Variants in TCF4 observed in about 807,000 individuals in gnomAD.
TCF4 encodes SL3-3 enhancer factor 2.
In TCF4, 3 loss-of-function variants were observed where a neutral mutation model predicts 82.1. The ratio of observed to expected loss-of-function variants is 0.04; its 90% confidence interval spans 0.02 to 0.09. The LOEUF is 0.09. Among genes scored for constraint, TCF4 ranks in the 10% least tolerant of loss-of-function variants. TCF4 has a pLI of 1.00. For missense variants in TCF4, 518 were observed against 852.7 expected (o/e 0.61, Z 4.89); for synonymous variants, 276 against 309.6 (o/e 0.89, Z 1.14).
chr18:55,423,174 A>T (rs913460605), intron 5 of TCF4, among the ~76,000 whole-genome samples: 1 of 41,040 alleles, frequency 2.4e-5, no homozygotes, highest in African/African-American at 4.3e-4. Flanking sequence ...AGTTCTTAAT[A>T]AAAAAAAATC....
At chr18:55,322,478 G>C (rs2075857942) in intron 8 of TCF4, 1 of 1,003,228 alleles carries the variant, frequency 1.0e-6, no homozygotes, top group Non-Finnish European at 1.2e-6. Context: ...CGCTCAAAAG[G>C]AGAGAGGGGG....
intron 2 of TCF4, chr18:55,585,750 T>C (rs1888457282): frequency 5.5e-6 from 6 of 1,099,988 alleles, no homozygotes; most frequent in Non-Finnish European, 6.7e-6. Flanking sequence ...GCAATGTCCA[T>C]TTCCATCTCG....
intron 3 of TCF4, among the ~76,000 whole-genome samples, chr18:55,530,574 C>G (rs2097051199): frequency 1.7e-5 from 2 of 121,108 alleles, no homozygotes; most frequent in African/African-American, 3.2e-5. Context: ...GGGGGGGAAA[C>G]AGCTAAGGGG....
chr18:55,548,381 C>G (rs1366051880), intron 3 of TCF4, among the ~76,000 whole-genome samples: 1 of 152,150 alleles, frequency 6.6e-6, no homozygotes. Context: ...TAATTTATTC[C>G]TTCTGGTTCC....
intron 8 of TCF4, among the ~76,000 whole-genome samples, chr18:55,280,756 G>A (rs981275837): frequency 2.0e-5 from 3 of 151,758 alleles, no homozygotes; most frequent in Admixed American, 2.0e-4. Context: ...GCAAGTGCAG[G>A]GTTACCAAAA....
intron 10 of TCF4, among the ~76,000 whole-genome samples, chr18:55,275,382 G>A (rs2061319200): frequency 6.6e-6 from 1 of 151,482 alleles, no homozygotes; most frequent in African/African-American, 2.4e-5. Flanking sequence ...GATAAAGAAG[G>A]CACAGAGCAA....
intron 2 of TCF4, among the ~76,000 whole-genome samples, chr18:55,603,433 A>C (rs1302235053): frequency 6.6e-6 from 1 of 152,198 alleles, no homozygotes; most frequent in Non-Finnish European, 1.5e-5. Context: ...AGTTTTATAA[A>C]TTATGAATTG....
chr18:55,568,639 A>G (rs2097431552), intron 3 of TCF4, among the ~76,000 whole-genome samples: 2 of 152,070 alleles, frequency 1.3e-5, no homozygotes. Context: ...AAATCTTCTT[A>G]TACTAGGACC....
chr18:55,351,116 A>G, intron 6 of TCF4, 113 bp from the exon 7 acceptor site: 1 of 1,332,148 alleles, frequency 7.5e-7, no homozygotes, highest in Non-Finnish European at 1.1e-6. Context: ...GCATCTGCTA[A>G]GCTGAGACAA....
upstream of TCF4, chr18:55,589,302 A>T: frequency 2.9e-6 from 3 of 1,051,358 alleles, no homozygotes; most frequent in South Asian, 1.4e-4. Flanking sequence ...GTTACCTTAA[A>T]TGGCCACAAA....
chr18:55,260,616 T>C (rs2057846193), intron 12 of TCF4, among the ~76,000 whole-genome samples: 1 of 152,170 alleles, frequency 6.6e-6, no homozygotes, highest in African/African-American at 2.4e-5. Context: ...TGGAGTGCAG[T>C]GGCATGATCT....
At chr18:55,292,696 ATGTGTG>A (rs35399017) in intron 8 of TCF4, among the ~76,000 whole-genome samples, 1 of 151,074 alleles carries the variant, frequency 6.6e-6, no homozygotes, top group Non-Finnish European at 1.5e-5. Context: ...ATAGACATGA[ATGTGTG>A]TGTGTGTGTG....
At chr18:55,519,390 T>TGAG in intron 3 of TCF4, among the ~76,000 whole-genome samples, 2 of 147,460 alleles carry the variant, frequency 1.4e-5, no homozygotes, top group African/African-American at 5.0e-5. Flanking sequence ...GCCCTGATGG[T>TGAG]ACCACTGCAC....
intron 3 of TCF4, among the ~76,000 whole-genome samples, chr18:55,523,181 A>G (rs763144331): frequency 1.3e-5 from 2 of 152,088 alleles, no homozygotes; most frequent in Non-Finnish European, 2.9e-5. Context: ...TACATTATCA[A>G]CAAAACTTAT....
At chr18:55,526,155 A>C (rs1261562481) in intron 3 of TCF4, among the ~76,000 whole-genome samples, 2 of 152,200 alleles carry the variant, frequency 1.3e-5, no homozygotes, top group African/African-American at 4.8e-5. Flanking sequence ...GTATTTACAG[A>C]ACCACAAAGG....
intron 8 of TCF4, among the ~76,000 whole-genome samples, chr18:55,348,867 T>C (rs191940533): frequency 6.6e-6 from 1 of 152,242 alleles, no homozygotes; most frequent in East Asian, 1.9e-4. Context: ...CATTCAAAGG[T>C]CCACCAAATG....
At chr18:55,511,323 C>CAAAGTA (rs2096825668) in intron 3 of TCF4, among the ~76,000 whole-genome samples, 3 of 21,962 alleles carry the variant, frequency 1.4e-4, no homozygotes, top group African/African-American at 2.5e-4. Flanking sequence ...AGAGTAATTC[C>CAAAGTA]AAAAGTTTAA....
At chr18:55,583,964 T>C (rs964526042) in intron 3 of TCF4, among the ~76,000 whole-genome samples, 12 of 152,046 alleles carry the variant, frequency 7.9e-5, no homozygotes, top group Admixed American at 7.2e-4. Flanking sequence ...AGGTCCAGGA[T>C]AGTAAAACAC....
upstream of TCF4, chr18:55,589,787 C>T: frequency 2.0e-6 from 2 of 1,010,804 alleles, no homozygotes; most frequent in Non-Finnish European, 2.4e-6. Flanking sequence ...CCATTCACAT[C>T]CGGGAACTGC....
Sources: gnomAD v4.1 joint callset for allele counts (sites outside exome capture counted in the v4.1 genomes callset) on GRCh38, gnomAD v4.1.1 for gene constraint, MANE v1.5 for transcripts, NCBI Gene and HGNC (gene_info 2026-07-23, HGNC 2026-07-21) for gene names.